The following GPC5 variants were observed in gnomAD, a reference collection of about 807,000 sequenced individuals.
The protein encoded by GPC5 is glypican-5.
In GPC5, 47 loss-of-function variants were observed where a neutral mutation model predicts 53.9. That is an observed-to-expected ratio of 0.87 (90% CI 0.69 to 1.11). GPC5 has a LOEUF of 1.11. Ranked by LOEUF, GPC5 falls within the 50% of genes most tolerant of loss-of-function variation. The pLI, the probability that GPC5 is intolerant of heterozygous loss-of-function variation, is 0.00. For synonymous variants in GPC5, 286 were observed against 263.3 expected (o/e 1.09, Z -0.84); for missense variants, 748 against 713.1 (o/e 1.05, Z -0.56).
At chr13:91,968,476 T>C (rs2040210645) in intron 6 of GPC5, among the ~76,000 whole-genome samples, 1 of 152,190 alleles carries the variant, frequency 6.6e-6, no homozygotes, top group African/African-American at 2.4e-5. Flanking sequence ...TCTTTTTTTG[T>C]TTTGAGATGG....
At position 92,552,451 on chromosome 13, in the gene GPC5, A is replaced by G. The variant is rs189259092; in HGVS notation, c.1562-313831A>G. Among the ~76,000 whole-genome samples, 550 of 152,106 alleles carry G rather than the reference A, an allele frequency of 3.6e-3. 2 individuals carry two copies. Among genetic ancestry groups the G allele is most frequent in the Non-Finnish European group, 6.1e-3 (413 of 67,880 alleles). ...TTTATATTTGAAGAGCAAGAAAATT[A>G]AAATAAAACTAAGTTACTTTGTAAG... On this transcript the variant is annotated intron_variant, in intron 7 of 7. Coordinates refer to ENST00000377067, the MANE Select transcript of GPC5 (RefSeq NM_004466.6).
chr13:92,482,266 A>G (rs1215480805), intron 7 of GPC5, among the ~76,000 whole-genome samples: 2 of 152,236 alleles, frequency 1.3e-5, no homozygotes, highest in South Asian at 4.1e-4. Context: ...ACATGTCCAC[A>G]ACCACCATTC....
At chr13:91,572,111 ATG>A (rs1213715908) in intron 2 of GPC5, among the ~76,000 whole-genome samples, 1 of 113,940 alleles carries the variant, frequency 8.8e-6, no homozygotes, top group African/African-American at 3.7e-5. Context: ...ATATACACAC[ATG>A]TATATATACG....
chr13:91,828,327 C>T (rs2038605619), intron 5 of GPC5, among the ~76,000 whole-genome samples: 1 of 150,592 alleles, frequency 6.6e-6, no homozygotes, highest in East Asian at 2.0e-4. Context: ...TGTGAATGTC[C>T]TTCCAATATA....
At chr13:92,758,532 T>C (rs1875010846) in intron 7 of GPC5, among the ~76,000 whole-genome samples, 1 of 152,172 alleles carries the variant, frequency 6.6e-6, no homozygotes. Flanking sequence ...AATGTGTGAT[T>C]ACTATTATCA....
intron 6 of GPC5, among the ~76,000 whole-genome samples, chr13:91,929,695 C>T (rs1405303330): frequency 6.6e-6 from 1 of 152,204 alleles, no homozygotes; most frequent in Middle Eastern, 3.4e-3. Context: ...GAAGCTGTAA[C>T]CACAATAGTG....
At chr13:92,613,962 A>C (rs950198418) in intron 7 of GPC5, among the ~76,000 whole-genome samples, 8 of 152,148 alleles carry the variant, frequency 5.3e-5, no homozygotes, top group Non-Finnish European at 1.0e-4. Context: ...GTACCAAGTC[A>C]GTATTCAGTA....
At chr13:92,858,900 C>A (rs2138853045) in intron 7 of GPC5, among the ~76,000 whole-genome samples, 1 of 152,258 alleles carries the variant, frequency 6.6e-6, no homozygotes, top group South Asian at 2.1e-4. Context: ...CATAATTTAA[C>A]TCTGTATAGA....
At position 91,756,415 on chromosome 13, in the gene GPC5, A is replaced by G. The variant is rs1364600415; in HGVS notation, c.1275A>G (p.Val425=). The change falls in exon 5 of 8, where the codon GTA becomes GTG. Residue 425 remains valine, a synonymous_variant. Coordinates refer to ENST00000377067, the MANE Select transcript of GPC5 (RefSeq NM_004466.6). ...CCTGCTGGAATGGAGAAGATATAGT[A>G]AAAAGGTATTTTATGTGGTCTGTGA... ...GLPCWNGEDI[V]KSYTQRVVGN... The G allele has an allele frequency of 6.3e-7, 1 of 1,580,350 alleles. No homozygotes were observed. Among genetic ancestry groups the G allele is most frequent in the Non-Finnish European group, 8.6e-7 (1 of 1,156,630 alleles).
chr13:91,512,925 A>C (rs1458932127), intron 2 of GPC5, among the ~76,000 whole-genome samples: 2 of 152,040 alleles, frequency 1.3e-5, no homozygotes, highest in Admixed American at 6.5e-5. Context: ...GGTAGAAAAA[A>C]GTTTTTCTTG....
chr13:92,038,390 A>C (rs1216349882), intron 6 of GPC5, among the ~76,000 whole-genome samples: 14 of 145,574 alleles, frequency 9.6e-5, no homozygotes, highest in South Asian at 2.3e-4. Context: ...ATAGGTAGAT[A>C]GATAGATCGA....
chr13:92,116,794 A>G (rs1454446457), intron 6 of GPC5, among the ~76,000 whole-genome samples: 1 of 152,164 alleles, frequency 6.6e-6, no homozygotes, highest in Non-Finnish European at 1.5e-5. Context: ...GTACTTTCTG[A>G]TGACTAATTA....
intron 1 of GPC5, among the ~76,000 whole-genome samples, chr13:91,403,645 A>C (rs941900971): frequency 6.6e-6 from 1 of 152,196 alleles, no homozygotes; most frequent in African/African-American, 2.4e-5. Flanking sequence ...TTTATCTTGA[A>C]TTGTGAGCAT....
intron 6 of GPC5, among the ~76,000 whole-genome samples, chr13:92,047,180 C>A (rs2040988441): frequency 6.6e-6 from 1 of 152,072 alleles, no homozygotes; most frequent in South Asian, 2.1e-4. Flanking sequence ...AGAAAAGAAA[C>A]CCATACTAGT....
At chr13:91,758,989 C>G (rs2138649067) in intron 5 of GPC5, among the ~76,000 whole-genome samples, 1 of 152,192 alleles carries the variant, frequency 6.6e-6, no homozygotes, top group Admixed American at 6.5e-5. Flanking sequence ...CTCACACACT[C>G]CTACCACCTC....
intron 5 of GPC5, among the ~76,000 whole-genome samples, chr13:91,907,479 G>T (rs2039565660): frequency 3.5e-5 from 4 of 115,588 alleles, no homozygotes; most frequent in African/African-American, 1.1e-4. Flanking sequence ...GATATATTAG[G>T]CTACTCTCTC....
chr13:91,488,327 T>C (rs1056729285), intron 2 of GPC5, among the ~76,000 whole-genome samples: 4 of 152,112 alleles, frequency 2.6e-5, no homozygotes, highest in Admixed American at 2.0e-4. Flanking sequence ...TCTTTATAAT[T>C]CCAAAAAAAT....
At chr13:92,004,133 ATTC>A (rs1465995129) in intron 6 of GPC5, among the ~76,000 whole-genome samples, 3 of 151,982 alleles carry the variant, frequency 2.0e-5, no homozygotes, top group African/African-American at 7.3e-5. Flanking sequence ...CAAAGTGTTT[ATTC>A]TTCTTATGCA....
chr13:91,757,228 AGGTT>A (rs2037314884), intron 5 of GPC5, among the ~76,000 whole-genome samples: 1 of 152,058 alleles, frequency 6.6e-6, no homozygotes, highest in Non-Finnish European at 1.5e-5. Context: ...TAGGATAATG[AGGTT>A]TTGTGTTTGG....
Sources: gnomAD v4.1 joint callset for allele counts (sites outside exome capture counted in the v4.1 genomes callset) on GRCh38, gnomAD v4.1.1 for gene constraint, MANE v1.5 for transcripts, NCBI Gene and HGNC (gene_info 2026-07-23, HGNC 2026-07-21) for gene names.